The following SLC24A2 variants were observed in gnomAD, a reference collection of about 807,000 sequenced individuals.
SLC24A2 encodes the protein sodium/potassium/calcium exchanger 2.
A neutral mutation model predicts 62.0 loss-of-function variants in SLC24A2; 36 were observed. That is an observed-to-expected ratio of 0.58 (90% CI 0.44 to 0.77). The LOEUF (loss-of-function observed/expected upper bound fraction) is 0.77, where lower values mean the gene tolerates loss of function less well. Ranked by LOEUF, SLC24A2 falls within the 30% of genes least tolerant of loss-of-function variation. The pLI, the probability that SLC24A2 is intolerant of heterozygous loss-of-function variation, is 0.00. For missense variants in SLC24A2, 846 were observed against 817.9 expected (o/e 1.03, Z -0.42); for synonymous variants, 358 against 294.0 (o/e 1.22, Z -2.23).
chr9:20,274,255 C>A, the SLC24A2 span, among the ~76,000 whole-genome samples: 4 of 151,956 alleles, frequency 2.6e-5, no homozygotes, highest in Admixed American at 2.6e-4. Context: ...GGAGGGGGAC[C>A]AGGAGTGCTG....
Position 19,645,215 on chromosome 9 carries a change from C to G in SLC24A2, c.931-22916G>C, listed in dbSNP as rs935619533. 2.0e-5 allele frequency among the ~76,000 whole-genome samples: 3 copies of G among 152,166 alleles called. No individual in the cohort carries two copies. In the South Asian group the frequency reaches 6.2e-4, roughly 31 times the overall value. On this transcript the variant is annotated intron_variant, in intron 2 of 10. Coordinates refer to ENST00000341998, the MANE Select transcript of SLC24A2 (RefSeq NM_020344.4). ...CCAGCTCCTAGAGATTACCTTAGCTCCAGTATGAATATAATCTATATTCGC... is the reference window on the plus strand; with the variant it reads ...CCAGCTCCTAGAGATTACCTTAGCTGCAGTATGAATATAATCTATATTCGC...
At chr9:20,128,953 A>T in the SLC24A2 span, among the ~76,000 whole-genome samples, 2 of 152,154 alleles carry the variant, frequency 1.3e-5, no homozygotes, top group East Asian at 3.8e-4. Context: ...GGACTTCAAA[A>T]GTAAAAACTT....
chr9:19,862,121 C>A, the SLC24A2 span, among the ~76,000 whole-genome samples: 2 of 151,808 alleles, frequency 1.3e-5, no homozygotes, highest in African/African-American at 4.8e-5. Flanking sequence ...CAGATTTATC[C>A]CAAAGAAGAC....
At chr9:20,253,171 G>A in the SLC24A2 span, among the ~76,000 whole-genome samples, 3 of 152,124 alleles carry the variant, frequency 2.0e-5, no homozygotes, top group Non-Finnish European at 2.9e-5. Context: ...TCTAAAGCAG[G>A]GCAAAGAAAA....
At chr9:20,067,371 T>A in the SLC24A2 span, among the ~76,000 whole-genome samples, 2 of 152,252 alleles carry the variant, frequency 1.3e-5, no homozygotes, top group East Asian at 3.8e-4. Flanking sequence ...TCATATTCTG[T>A]GGTGACCATA....
chr9:19,843,117 A>T, the SLC24A2 span, among the ~76,000 whole-genome samples: 17 of 152,136 alleles, frequency 1.1e-4, no homozygotes, highest in Admixed American at 3.3e-4. Context: ...AAAAATAAAG[A>T]TATGCAGCCA....
At chr9:20,088,106 G>A in the SLC24A2 span, among the ~76,000 whole-genome samples, 1 of 152,214 alleles carries the variant, frequency 6.6e-6, no homozygotes, top group African/African-American at 2.4e-5. Context: ...GGCTTCCCAG[G>A]AAAAGTGGCT....
the SLC24A2 span, among the ~76,000 whole-genome samples, chr9:20,118,147 C>T: frequency 1.3e-5 from 2 of 151,950 alleles, no homozygotes; most frequent in South Asian, 2.1e-4. Context: ...GGCTCATAGG[C>T]GACTTATCTA....
At chr9:19,783,048 T>C (rs1215974195) in intron 2 of SLC24A2, among the ~76,000 whole-genome samples, 3 of 152,172 alleles carry the variant, frequency 2.0e-5, no homozygotes, top group Non-Finnish European at 4.4e-5. Flanking sequence ...TTAAATGAGA[T>C]GAGAAACTGT....
intron 2 of SLC24A2, among the ~76,000 whole-genome samples, chr9:19,781,602 G>A (rs571201944): frequency 6.6e-6 from 1 of 152,246 alleles, no homozygotes; most frequent in African/African-American, 2.4e-5. Context: ...TAAGTAGAGG[G>A]AAACAAAATA....
At chr9:19,645,147 C>A (rs982302296) in intron 2 of SLC24A2, among the ~76,000 whole-genome samples, 1 of 152,070 alleles carries the variant, frequency 6.6e-6, no homozygotes, top group Non-Finnish European at 1.5e-5. Context: ...GACAGAGGGG[C>A]AAGTTACTAA....
At chr9:19,909,800 A>G in the SLC24A2 span, among the ~76,000 whole-genome samples, 9 of 152,032 alleles carry the variant, frequency 5.9e-5, no homozygotes. Flanking sequence ...CTTTCAGCTC[A>G]AAAAAACGGT....
At chr9:20,043,012 G>A in the SLC24A2 span, among the ~76,000 whole-genome samples, 22 of 152,164 alleles carry the variant, frequency 1.4e-4, no homozygotes, top group Admixed American at 2.0e-4. Context: ...TCCTAGACAC[G>A]ATATGGAAAT....
At chr9:19,857,845 T>C in the SLC24A2 span, among the ~76,000 whole-genome samples, 33 of 152,108 alleles carry the variant, frequency 2.2e-4, no homozygotes, top group Admixed American at 7.2e-4. Context: ...ATTTCGTCCT[T>C]TGCAGTCTGG....
the SLC24A2 span, among the ~76,000 whole-genome samples, chr9:20,134,026 T>C: frequency 2.6e-5 from 4 of 152,236 alleles, no homozygotes; most frequent in African/African-American, 9.6e-5. Flanking sequence ...GAGCAGACCA[T>C]GGAGGACAAA....
chr9:20,082,363 A>G, the SLC24A2 span, among the ~76,000 whole-genome samples: 1 of 152,206 alleles, frequency 6.6e-6, no homozygotes. Flanking sequence ...CAGGAAAATC[A>G]CATGGAGAAA....
chr9:19,550,904 T>C (rs1834812180), intron 7 of SLC24A2, among the ~76,000 whole-genome samples: 1 of 152,160 alleles, frequency 6.6e-6, no homozygotes, highest in African/African-American at 2.4e-5. Context: ...TTTACATGCA[T>C]TGAATGTGTA....
chr9:19,680,737 T>G (rs1025190585), intron 2 of SLC24A2, among the ~76,000 whole-genome samples: 3 of 152,058 alleles, frequency 2.0e-5, no homozygotes, highest in African/African-American at 7.2e-5. Context: ...TCCAAACATT[T>G]GAAAACTCAA....
At chr9:19,846,844 T>C in the SLC24A2 span, among the ~76,000 whole-genome samples, 9 of 151,904 alleles carry the variant, frequency 5.9e-5, 1 homozygote, top group African/African-American at 2.2e-4. Context: ...ATGAGAAACA[T>C]AGTGAGACCC....
Sources: allele counts gnomAD v4.1 joint callset (sites outside exome capture counted in the v4.1 genomes callset), GRCh38; gene constraint gnomAD v4.1.1; transcripts MANE v1.5; gene names NCBI Gene and HGNC (gene_info 2026-07-23, HGNC 2026-07-21).